The following PTPRD variants were observed in gnomAD, a reference collection of about 807,000 sequenced individuals.
PTPRD encodes the protein receptor-type tyrosine-protein phosphatase delta.
A neutral mutation model predicts 214.5 loss-of-function variants in PTPRD; 34 were observed. The ratio of observed to expected loss-of-function variants is 0.16; its 90% CI spans 0.12 to 0.21. The LOEUF (loss-of-function observed/expected upper bound fraction) is 0.21. Ranked by LOEUF, PTPRD falls within the 10% of genes least tolerant of loss-of-function variation. PTPRD has a pLI of 1.00. For synonymous variants in PTPRD, 1,128 were observed against 845.7 expected, an observed-to-expected ratio of 1.33 and a Z score of -5.79; for missense variants, 2,545 against 2,398.7, an observed-to-expected ratio of 1.06 and a Z score of -1.27.
At chr9:9,006,000 G>C (rs1222419988) in intron 11 of PTPRD, among the ~76,000 whole-genome samples, 1 of 151,868 alleles carries the variant, frequency 6.6e-6, no homozygotes, top group East Asian at 1.9e-4. Flanking sequence ...GAATAGCCTG[G>C]ATTTTTTTTT....
intron 4 of PTPRD, among the ~76,000 whole-genome samples, chr9:9,975,631 C>T (rs1450544878): frequency 6.6e-6 from 1 of 152,106 alleles, no homozygotes; most frequent in Non-Finnish European, 1.5e-5. Flanking sequence ...GTTTGTGATG[C>T]AATGCTCTAC....
intron 5 of PTPRD, among the ~76,000 whole-genome samples, chr9:9,844,064 A>C (rs9407446): frequency 0.66 from 100,830 of 151,762 alleles, 33,836 homozygotes; most frequent in East Asian, 0.86. Context: ...TTCTTTGGGT[A>C]CTTTAATGAC....
At chr9:9,480,176 G>T (rs1452136275) in intron 8 of PTPRD, among the ~76,000 whole-genome samples, 1 of 152,112 alleles carries the variant, frequency 6.6e-6, no homozygotes, top group Non-Finnish European at 1.5e-5. Flanking sequence ...TCAGTCCAAG[G>T]GTGCATGGAT....
intron 7 of PTPRD, among the ~76,000 whole-genome samples, chr9:9,638,300 A>G: frequency 6.6e-6 from 1 of 152,180 alleles, no homozygotes. Flanking sequence ...AGCATTCTGA[A>G]CGCTGCTGCT....
chr9:8,976,749 T>C (rs1239269106), intron 11 of PTPRD, among the ~76,000 whole-genome samples: 1 of 152,144 alleles, frequency 6.6e-6, no homozygotes, highest in Admixed American at 6.6e-5. Flanking sequence ...GAATTTTAAA[T>C]ATTTTCCTCT....
At chr9:8,902,876 T>C (rs1351068041) in intron 11 of PTPRD, among the ~76,000 whole-genome samples, 1 of 152,186 alleles carries the variant, frequency 6.6e-6, no homozygotes, top group African/African-American at 2.4e-5. Flanking sequence ...ATAATTTCTA[T>C]TTCTGTTAAG....
rs939009928 is a variant in PTPRD, at chr9:8,317,472, G to A, written c.*402C>T. ...AAGGGGCGATGTCAAAGCAGAGTCCGTTTCATTGTGAGAAGCCACACCAGC... is the reference window on the plus strand; with the variant it reads ...AAGGGGCGATGTCAAAGCAGAGTCCATTTCATTGTGAGAAGCCACACCAGC... On this transcript the variant is annotated 3_prime_UTR_variant, in exon 46 of 46. Transcript: ENST00000381196. The A allele has an allele frequency of 2.1e-5, 5 of 243,148 alleles. No individual in the cohort carries two copies. Among genetic ancestry groups the A allele is most frequent in the Non-Finnish European group, 3.3e-5 (4 of 122,832 alleles). 15.1% of individuals were successfully genotyped at this position (243,148 alleles called of 1,614,324 possible).
At chr9:8,606,943 C>A (rs570894939) in intron 14 of PTPRD, among the ~76,000 whole-genome samples, 217 of 152,226 alleles carry the variant, frequency 1.4e-3, no homozygotes, top group African/African-American at 5.0e-3. Flanking sequence ...GTAAAGAAAA[C>A]CTTACTTGAA....
chr9:10,126,817 T>G (rs533775834), intron 3 of PTPRD, among the ~76,000 whole-genome samples: 12 of 152,304 alleles, frequency 7.9e-5, no homozygotes, highest in Admixed American at 2.6e-4. Context: ...CTGTTCAAGC[T>G]TGACGAAACT....
intron 6 of PTPRD, among the ~76,000 whole-genome samples, chr9:9,753,833 T>A (rs1212989158): frequency 1.3e-5 from 2 of 152,050 alleles, no homozygotes; most frequent in Non-Finnish European, 2.9e-5. Flanking sequence ...TAGCTTTGTC[T>A]TCCCTTTTTC....
chr9:9,393,933 G>A (rs185365309), intron 9 of PTPRD, among the ~76,000 whole-genome samples: 4 of 152,090 alleles, frequency 2.6e-5, no homozygotes, highest in Non-Finnish European at 2.9e-5. Flanking sequence ...CACGAACTCC[G>A]CAACATTGCC....
At chr9:10,393,866 G>C (rs35090492) in intron 2 of PTPRD, among the ~76,000 whole-genome samples, 6 of 147,852 alleles carry the variant, frequency 4.1e-5, no homozygotes, top group African/African-American at 1.5e-4. Flanking sequence ...GAATCATCCT[G>C]ATCCTTATGT....
At position 8,575,255 on chromosome 9, in the gene PTPRD, C is replaced by T. The variant is rs540502286; in HGVS notation, c.353-46476G>A. On this transcript the variant is annotated intron_variant, in intron 14 of 45. Coordinates refer to ENST00000381196, the MANE Select transcript of PTPRD (RefSeq NM_002839.4). ...TGTGTTCATGAGAAAAGGAAAAAGG[C>T]GATTATATATTTATATATTTCAAGC... 2.6e-4 allele frequency among the ~76,000 whole-genome samples: 40 copies of T among 152,078 alleles called. 2 individuals carry two copies. Among genetic ancestry groups the T allele is most frequent in the African/African-American group, 9.4e-4 (39 of 41,512 alleles).
intron 7 of PTPRD, among the ~76,000 whole-genome samples, chr9:9,582,015 AT>A (rs1202435390): frequency 6.6e-6 from 1 of 152,118 alleles, no homozygotes; most frequent in African/African-American, 2.4e-5. Context: ...GCTACTAGAC[AT>A]TGTACAATTG....
At chr9:8,884,669 G>A in intron 11 of PTPRD, among the ~76,000 whole-genome samples, 1 of 152,218 alleles carries the variant, frequency 6.6e-6, no homozygotes, top group East Asian at 1.9e-4. Flanking sequence ...AGTAAGCAAT[G>A]TTTCTGCAGT....
In PTPRD at chr9:9,342,676, C is replaced by T. The variant is rs187987620; in HGVS notation, c.-203+54773G>A. ...AAAATGTGGTTACCTGAGTATCTTC[C>T]AAGGCAGTCTCACAAATTGTATATC... is the stretch of plus-strand genomic sequence containing the variant. On this transcript the variant is annotated intron_variant, in intron 9 of 45. Transcript: ENST00000381196. Among the ~76,000 whole-genome samples the T allele has an allele frequency of 2.0e-5, 3 of 150,966 alleles. No homozygotes were observed. In the Admixed American group the frequency reaches 2.0e-4, roughly 10 times the overall value.
At chr9:8,458,894 AT>A (rs1032389537) in intron 33 of PTPRD, among the ~76,000 whole-genome samples, 2 of 152,128 alleles carry the variant, frequency 1.3e-5, no homozygotes, top group African/African-American at 4.8e-5. Flanking sequence ...ATGAAAAAAA[AT>A]AATGATGGAT....
intron 38 of PTPRD, 90 bp from the exon 39 acceptor site, chr9:8,376,180 C>A (rs1341037903): frequency 1.4e-6 from 2 of 1,446,334 alleles, no homozygotes; most frequent in South Asian, 1.3e-5. Flanking sequence ...CTAAAATGTG[C>A]TATTTTAATT....
At chr9:9,073,853 C>T (rs1314358855) in intron 10 of PTPRD, among the ~76,000 whole-genome samples, 4 of 152,002 alleles carry the variant, frequency 2.6e-5, no homozygotes, top group Admixed American at 1.3e-4. Flanking sequence ...ATTAAAAATC[C>T]TCATTTTTAT....
Sources: gnomAD v4.1 joint callset for allele counts (sites outside exome capture counted in the v4.1 genomes callset) on GRCh38, gnomAD v4.1.1 for gene constraint, MANE v1.5 for transcripts, NCBI Gene and HGNC (gene_info 2026-07-23, HGNC 2026-07-21) for gene names.